The following HCN1 variants were observed in gnomAD, a reference collection of about 807,000 sequenced individuals.
The protein encoded by HCN1 is potassium/sodium hyperpolarization-activated cyclic nucleotide-gated channel 1.
HCN1 carries 13 observed loss-of-function variants against 78.9 expected under a neutral mutation model. The observed-to-expected ratio is 0.16, with a 90% CI of 0.11 to 0.26. The LOEUF (loss-of-function observed/expected upper bound fraction) is 0.26. Ranked by LOEUF, HCN1 falls within the 10% of genes least tolerant of loss-of-function variation. The pLI, the probability that HCN1 is intolerant of heterozygous loss-of-function variation, is 1.00. For missense variants in HCN1, 810 were observed against 1,154.3 expected (o/e 0.70, Z 4.32); for synonymous variants, 552 against 455.5 (o/e 1.21, Z -2.70).
chr5:45,567,438 G>A (rs1743730634), intron 2 of HCN1, among the ~76,000 whole-genome samples: 2 of 152,186 alleles, frequency 1.3e-5, no homozygotes, highest in African/African-American at 4.8e-5. Flanking sequence ...GGAGTACAGA[G>A]CTGAAAGTGA....
intron 3 of HCN1, among the ~76,000 whole-genome samples, chr5:45,412,557 T>C (rs1740044127): frequency 6.6e-6 from 1 of 152,116 alleles, no homozygotes; most frequent in Non-Finnish European, 1.5e-5. Context: ...CTCTCCCATA[T>C]CTTCTTCTGA....
At chr5:45,595,549 A>G (rs1359203401) in intron 2 of HCN1, among the ~76,000 whole-genome samples, 1 of 152,096 alleles carries the variant, frequency 6.6e-6, no homozygotes, top group Non-Finnish European at 1.5e-5. Flanking sequence ...TTTTGCTAAA[A>G]TATGTTTTAT....
intron 2 of HCN1, among the ~76,000 whole-genome samples, chr5:45,626,990 CAT>C (rs1053020796): frequency 1.3e-5 from 2 of 150,896 alleles, no homozygotes; most frequent in African/African-American, 4.9e-5. Flanking sequence ...GTATATATAA[CAT>C]GTATATATAT....
At chr5:45,537,291 T>C (rs1297747429) in intron 2 of HCN1, among the ~76,000 whole-genome samples, 1 of 152,126 alleles carries the variant, frequency 6.6e-6, no homozygotes, top group Non-Finnish European at 1.5e-5. Flanking sequence ...TATATGATAG[T>C]TATCTGCTAA....
chr5:45,387,292 ATAT>A (rs1747943862), intron 4 of HCN1, among the ~76,000 whole-genome samples: 1 of 152,040 alleles, frequency 6.6e-6, no homozygotes, highest in Non-Finnish European at 1.5e-5. Context: ...TCTTACTCTC[ATAT>A]TATTGTTTCA....
At position 45,262,034 on chromosome 5, in the gene HCN1, G is replaced by T. The variant is rs534013981; in HGVS notation, c.2560C>A (p.Arg854=). ...QMSSGAIPPN[R]GVPPAPPPPA... is the part of the protein sequence containing the mutation. ...GGAGGGGGTGCTGGAGGGACTCCTCGGTTCGGGGGGATGGCTCCCGACGAC... is the reference window on the plus strand; with the variant it reads ...GGAGGGGGTGCTGGAGGGACTCCTCTGTTCGGGGGGATGGCTCCCGACGAC... Residue 854 remains arginine (R), a synonymous_variant, in exon 8 of 8, where the codon CGA becomes AGA. Coordinates refer to ENST00000303230, the MANE Select transcript of HCN1 (RefSeq NM_021072.4). The T allele has an allele frequency of 1.6e-5, 26 of 1,613,856 alleles. No individual in the cohort carries two copies. Among genetic ancestry groups the T allele is most frequent in the Admixed American group, 1.7e-5 (1 of 60,004 alleles).
rs115321036 is a variant in HCN1 at position 45,337,339 on chromosome 5, T to A, written c.1377+15761A>T. On this transcript the variant is annotated intron_variant, in intron 5 of 7. Transcript: ENST00000303230. ...ACAGAGGAATCTAAAGATGCCAGCA[T>A]GCTTTTGTAATACATTAAAAATACA... Among the ~76,000 whole-genome samples the A allele has an allele frequency of 3.6e-3, 543 of 152,252 alleles. 9 individuals are homozygous for A. Among genetic ancestry groups the A allele is most frequent in the African/African-American group, 0.012 (513 of 41,574 alleles).
chr5:45,404,595 T>A (rs896791393), intron 3 of HCN1, among the ~76,000 whole-genome samples: 3 of 147,770 alleles, frequency 2.0e-5, no homozygotes, highest in Admixed American at 1.4e-4. Context: ...TTAGTAATAA[T>A]GCATTTTGAG....
intron 3 of HCN1, among the ~76,000 whole-genome samples, chr5:45,416,976 T>G (rs1278788121): frequency 6.6e-6 from 1 of 152,006 alleles, no homozygotes; most frequent in Non-Finnish European, 1.5e-5. Flanking sequence ...CCTAGAATCA[T>G]TCATGTATGG....
At chr5:45,373,914 G>T (rs965958470) in intron 4 of HCN1, among the ~76,000 whole-genome samples, 3 of 109,402 alleles carry the variant, frequency 2.7e-5, no homozygotes, top group Non-Finnish European at 5.5e-5. Flanking sequence ...TATTACATAC[G>T]GTATATACAT....
intron 1 of HCN1, among the ~76,000 whole-genome samples, chr5:45,671,839 T>A (rs1746157700): frequency 6.6e-6 from 1 of 151,590 alleles, no homozygotes; most frequent in Admixed American, 6.6e-5. Flanking sequence ...CAAAAATCTG[T>A]TATTGTTATA....
At chr5:45,613,166 C>A (rs938795866) in intron 2 of HCN1, among the ~76,000 whole-genome samples, 3 of 129,134 alleles carry the variant, frequency 2.3e-5, no homozygotes, top group Non-Finnish European at 4.8e-5. Context: ...CCCCCCACCC[C>A]ACAACAGTCC....
At chr5:45,390,582 G>C (rs945527170) in intron 4 of HCN1, among the ~76,000 whole-genome samples, 3 of 152,044 alleles carry the variant, frequency 2.0e-5, no homozygotes, top group Non-Finnish European at 4.4e-5. Context: ...CTGAAAATGT[G>C]AATATCTACA....
intron 5 of HCN1, among the ~76,000 whole-genome samples, chr5:45,343,665 C>T (rs189554632): frequency 6.6e-6 from 1 of 152,032 alleles, no homozygotes; most frequent in East Asian, 1.9e-4. Flanking sequence ...ATTATATAAT[C>T]TACTACATGT....
chr5:45,430,416 T>G (rs1267464475), intron 3 of HCN1, among the ~76,000 whole-genome samples: 1 of 151,998 alleles, frequency 6.6e-6, no homozygotes, highest in African/African-American at 2.4e-5. Flanking sequence ...ATAGGTAGTT[T>G]TTTTTTTTTT....
intron 2 of HCN1, among the ~76,000 whole-genome samples, chr5:45,533,413 C>T (rs938413319): frequency 1.3e-5 from 2 of 152,150 alleles, no homozygotes; most frequent in Non-Finnish European, 2.9e-5. Context: ...CGGTTCATGG[C>T]ACCTGCTTTG....
chr5:45,677,268 G>C (rs1354353775), intron 1 of HCN1, among the ~76,000 whole-genome samples: 1 of 151,784 alleles, frequency 6.6e-6, no homozygotes, highest in Non-Finnish European at 1.5e-5. Flanking sequence ...AAAAAATAGA[G>C]TGATATCTGA....
At chr5:45,333,506 C>T (rs996776601) in intron 5 of HCN1, among the ~76,000 whole-genome samples, 41 of 151,574 alleles carry the variant, frequency 2.7e-4, no homozygotes, top group African/African-American at 8.2e-4. Context: ...TCCATTTGTC[C>T]ATTTTTGCTT....
At chr5:45,376,947 C>A (rs555920895) in intron 4 of HCN1, among the ~76,000 whole-genome samples, 3 of 152,018 alleles carry the variant, frequency 2.0e-5, no homozygotes, top group African/African-American at 7.2e-5. Flanking sequence ...AAGAAGAGTG[C>A]AACCAGGTGT....
Sources: gnomAD v4.1 joint callset for allele counts (sites outside exome capture counted in the v4.1 genomes callset) on GRCh38, gnomAD v4.1.1 for gene constraint, MANE v1.5 for transcripts, NCBI Gene and HGNC (gene_info 2026-07-23, HGNC 2026-07-21) for gene names.